PCP4: variants seen among roughly 807,000 people sequenced by gnomAD.
PCP4 encodes the protein Purkinje cell protein 4.
Under a neutral mutation model 10.0 loss-of-function variants are expected in PCP4, and 8 were observed. The ratio of observed to expected loss-of-function variants is 0.80; its 90% CI spans 0.47 to 1.45. The LOEUF (loss-of-function observed/expected upper bound fraction) is 1.45, where lower values mean the gene tolerates loss of function less well. Among genes scored for constraint, PCP4 ranks in the 40% most tolerant of loss-of-function variants. The probability of loss-of-function intolerance (pLI) is 0.00; values close to 1 mark genes in which losing one functional copy is unlikely to be tolerated. For synonymous variants in PCP4, 21 were observed against 23.0 expected (o/e 0.91, Z 0.24); for missense variants, 54 against 74.4 (o/e 0.73, Z 1.01).
intron 2 of PCP4, among the ~76,000 whole-genome samples, chr21:39,900,924 A>G (rs930320906): frequency 2.0e-5 from 3 of 151,178 alleles, no homozygotes; most frequent in East Asian, 1.9e-4. Context: ...GGTTTTTCTT[A>G]TTAATTTATT....
chr21:39,869,607 A>C (rs550622276), intron 1 of PCP4, among the ~76,000 whole-genome samples: 1 of 152,126 alleles, frequency 6.6e-6, no homozygotes, highest in African/African-American at 2.4e-5. Flanking sequence ...CCCTCTGACC[A>C]TCAGCATGGC....
intron 2 of PCP4, among the ~76,000 whole-genome samples, chr21:39,927,280 A>ATCTATCTG (rs1568863695): frequency 3.8e-5 from 1 of 26,012 alleles, no homozygotes; most frequent in African/African-American, 1.5e-4. Flanking sequence ...TGTCTCTCTG[A>ATCTATCTG]TCTATCTATC....
rs2087384964 is a variant in PCP4 at position 39,883,325 on chromosome 21, T to G, written c.10-15151T>G. The G allele has an allele frequency of 2.0e-5, 3 of 152,206 alleles. 1 individual carries two copies. The South Asian group carries it at 6.2e-4, about 32-fold the overall frequency. 9.4% of individuals were successfully genotyped at this position (152,206 alleles called of 1,614,324 possible). On this transcript the variant is annotated intron_variant, in intron 1 of 2. Coordinates refer to ENST00000328619, the MANE Select transcript of PCP4 (RefSeq NM_006198.3). Reference sequence around the variant, plus strand: ...TGGGCCCTTTGACCCAACCTCTGGTTTGGGGAGAGGCTGCTGATTAGAGCA... The same window carrying G: ...TGGGCCCTTTGACCCAACCTCTGGTGTGGGGAGAGGCTGCTGATTAGAGCA...
intron 1 of PCP4, among the ~76,000 whole-genome samples, chr21:39,887,211 A>G (rs779377926): frequency 2.0e-5 from 3 of 152,240 alleles, no homozygotes; most frequent in Non-Finnish European, 4.4e-5. Flanking sequence ...TGACAGGAAT[A>G]GAACGTAGTA....
At chr21:39,905,335 T>C (rs1052428737) in intron 2 of PCP4, among the ~76,000 whole-genome samples, 1 of 151,382 alleles carries the variant, frequency 6.6e-6, no homozygotes, top group Non-Finnish European at 1.5e-5. Context: ...CTCTAAAGAG[T>C]TTCTATTCTG....
intron 2 of PCP4, among the ~76,000 whole-genome samples, chr21:39,928,060 A>G (rs2087633352): frequency 1.3e-5 from 2 of 152,092 alleles, no homozygotes; most frequent in African/African-American, 4.8e-5. Flanking sequence ...TTATTTCTGT[A>G]GGTTTTTGGG....
intron 1 of PCP4, among the ~76,000 whole-genome samples, chr21:39,867,878 G>A (rs1307771605): frequency 2.0e-5 from 3 of 152,186 alleles, no homozygotes. Context: ...GAGTGGGCAG[G>A]TGGTCATCTG....
chr21:39,921,562 G>A (rs1356251230), intron 2 of PCP4, among the ~76,000 whole-genome samples: 7 of 152,228 alleles, frequency 4.6e-5, no homozygotes, highest in Admixed American at 2.6e-4. Flanking sequence ...GTCAGGTGCT[G>A]TTATAGGCTG....
At chr21:39,882,996 A>G (rs2087383146) in intron 1 of PCP4, among the ~76,000 whole-genome samples, 1 of 151,982 alleles carries the variant, frequency 6.6e-6, no homozygotes, top group Non-Finnish European at 1.5e-5. Flanking sequence ...GCCCACTGTT[A>G]TTTTTTTTCT....
chr21:39,927,327 A>ATCTG lies in PCP4; in HGVS notation c.62-1654_62-1653insGTCT, dbSNP rs1568863794. Among the ~76,000 whole-genome samples, 42 of 38,224 alleles carry ATCTG rather than the reference A, an allele frequency of 1.1e-3. 1 individual carries two copies. The highest frequency in any genetic ancestry group is 2.7e-3 in the African/African-American group (36 of 13,248). 25.1% of individuals were successfully genotyped at this position (38,224 alleles called of 152,430 possible). On this transcript the variant is annotated intron_variant, in intron 2 of 2. Coordinates refer to ENST00000328619, the MANE Select transcript of PCP4 (RefSeq NM_006198.3). ...CTATCTATCTATCTATCTATCATCT[A>ATCTG]TCTATCTATCTGTCTATCTATCTAT...
chr21:39,912,757 C>A (rs9808778), intron 2 of PCP4, among the ~76,000 whole-genome samples: 87,095 of 151,928 alleles, frequency 0.57, 25,602 homozygotes, highest in Middle Eastern at 0.71. Context: ...GTCTCCCAGG[C>A]TGGAGTGCAG....
At chr21:39,907,149 G>T (rs1304484597) in intron 2 of PCP4, among the ~76,000 whole-genome samples, 1 of 152,144 alleles carries the variant, frequency 6.6e-6, no homozygotes, top group East Asian at 1.9e-4. Flanking sequence ...GGAAAATAAT[G>T]CTGTCAGTGG....
intron 2 of PCP4, among the ~76,000 whole-genome samples, chr21:39,910,621 A>C (rs1452809118): frequency 6.6e-6 from 1 of 152,248 alleles, no homozygotes; most frequent in East Asian, 1.9e-4. Context: ...CTCTGAGCTC[A>C]GTAATTGTTT....
intron 1 of PCP4, among the ~76,000 whole-genome samples, chr21:39,896,646 G>A (rs2087458129): frequency 6.6e-6 from 1 of 152,160 alleles, no homozygotes; most frequent in Admixed American, 6.5e-5. Flanking sequence ...TCTGCATAAT[G>A]CAATAAGCAT....
intron 2 of PCP4, among the ~76,000 whole-genome samples, chr21:39,903,319 C>T (rs143544042): frequency 2.6e-5 from 4 of 152,148 alleles, no homozygotes; most frequent in Admixed American, 6.5e-5. Flanking sequence ...TCTGTTTCTG[C>T]GGGTGGAAGG....
At chr21:39,909,452 C>A (rs1221362804) in intron 2 of PCP4, among the ~76,000 whole-genome samples, 1 of 152,180 alleles carries the variant, frequency 6.6e-6, no homozygotes, top group Non-Finnish European at 1.5e-5. Flanking sequence ...TTGAAAGTTA[C>A]CCCCTTCTCC....
intron 1 of PCP4, among the ~76,000 whole-genome samples, chr21:39,893,080 C>G (rs753597703): frequency 2.0e-5 from 3 of 152,164 alleles, no homozygotes; most frequent in Non-Finnish European, 2.9e-5. Flanking sequence ...AATGGCCAGT[C>G]TGATGAAGAA....
chr21:39,917,053 A>G (rs2032332260), intron 2 of PCP4, among the ~76,000 whole-genome samples: 1 of 152,222 alleles, frequency 6.6e-6, no homozygotes, highest in Non-Finnish European at 1.5e-5. Flanking sequence ...CTATGTAACA[A>G]ACCTGCACAT....
intron 2 of PCP4, among the ~76,000 whole-genome samples, chr21:39,927,851 G>A (rs2087632412): frequency 6.8e-6 from 1 of 148,014 alleles, no homozygotes; most frequent in South Asian, 2.2e-4. Flanking sequence ...TCCCCACAGG[G>A]ACACGGATTT....
Sources: gnomAD v4.1 joint callset for allele counts (sites outside exome capture counted in the v4.1 genomes callset) on GRCh38, gnomAD v4.1.1 for gene constraint, MANE v1.5 for transcripts, NCBI Gene and HGNC (gene_info 2026-07-23, HGNC 2026-07-21) for gene names.